Variants in MMP2 observed in about 807,000 individuals in gnomAD.
The protein encoded by MMP2 is 72 kDa type IV collagenase.
Under a neutral mutation model 74.8 loss-of-function variants are expected in MMP2, and 39 were observed. That is an observed-to-expected ratio of 0.52 (90% CI 0.40 to 0.68). The LOEUF (loss-of-function observed/expected upper bound fraction) is 0.68. Ranked by LOEUF, MMP2 falls within the 30% of genes least tolerant of loss-of-function variation. MMP2 has a pLI of 0.00. For synonymous variants in MMP2, 367 were observed against 339.8 expected (o/e 1.08, Z -0.88); for missense variants, 803 against 878.3 (o/e 0.91, Z 1.08).
chr16:55,497,145 C>A (rs1345799881), intron 10 of MMP2, 83 bp downstream of exon 10: 9 of 1,583,898 alleles, frequency 5.7e-6, no homozygotes, highest in Admixed American at 5.0e-5. Context: ...CTCACTCCCC[C>A]TCTCAAACCA....
chr16:55,505,505 CT>C lies in MMP2; in HGVS notation c.*64del. The C allele has an allele frequency of 6.9e-7, 1 of 1,442,818 alleles. No homozygotes were observed. The highest frequency in any genetic ancestry group is 1.1e-5 in the South Asian group (1 of 87,736). 89.4% of individuals were successfully genotyped at this position (1,442,818 alleles called of 1,614,324 possible). On this transcript the variant is annotated 3_prime_UTR_variant, in exon 13 of 13. Coordinates refer to ENST00000219070, the MANE Select transcript of MMP2 (RefSeq NM_004530.6). ...CCTTCGATACACCGGGCCTGGAGAACTAGAGAAGGACCCGGAGGGGCCTGGC... is the reference window on the plus strand; with the variant it reads ...CCTTCGATACACCGGGCCTGGAGAACAGAGAAGGACCCGGAGGGGCCTGGC...
At chr16:55,486,333 G>GTGCC (rs1962249564) in intron 5 of MMP2, among the ~76,000 whole-genome samples, 2 of 132,076 alleles carry the variant, frequency 1.5e-5, no homozygotes, top group East Asian at 2.6e-4. Context: ...GTGTGTGTGT[G>GTGCC]TGTGTGTGTG....
chr16:55,498,476 A>G (rs1255368557), intron 11 of MMP2, 28 bp downstream of exon 11: 1 of 1,614,010 alleles, frequency 6.2e-7, no homozygotes. Flanking sequence ...GTAGGACAGC[A>G]GCACAGTTGG....
At chr16:55,484,293 T>C in intron 3 of MMP2, 129 bp downstream of exon 3, 1 of 1,093,704 alleles carries the variant, frequency 9.1e-7, no homozygotes. Flanking sequence ...GTGTGGGCCC[T>C]GGGGGTGGTT....
At chr16:55,496,200 C>A (rs1248219120) in intron 9 of MMP2, among the ~76,000 whole-genome samples, 1 of 152,176 alleles carries the variant, frequency 6.6e-6, no homozygotes, top group East Asian at 1.9e-4. Flanking sequence ...CTAATGAGTT[C>A]TCAGGTGACG....
chr16:55,484,233 A>T lies in MMP2; in HGVS notation c.529+69A>T, dbSNP rs1303175658. ...GTTGAGACGAGGGGGTGAGATGGAC[A>T]TTAGAGGGGCGTGGGGATCCTAAGG... On this transcript the variant is annotated intron_variant, in intron 3 of 12. Coordinates refer to ENST00000219070, the MANE Select transcript of MMP2 (RefSeq NM_004530.6). 7 of 1,553,556 alleles carry T rather than the reference A, an allele frequency of 4.5e-6. No individual in the cohort carries two copies. The African/African-American group carries it at 8.1e-5, about 18-fold the overall frequency.
intron 9 of MMP2, among the ~76,000 whole-genome samples, chr16:55,495,734 T>A (rs1291472105): frequency 6.6e-6 from 1 of 152,228 alleles, no homozygotes; most frequent in African/African-American, 2.4e-5. Context: ...TGCTTTCATT[T>A]GGTACAAAGT....
intron 8 of MMP2, among the ~76,000 whole-genome samples, chr16:55,492,515 T>G (rs1962436086): frequency 6.6e-6 from 1 of 151,882 alleles, no homozygotes; most frequent in African/African-American, 2.4e-5. Flanking sequence ...AAAAGTCAGT[T>G]CATTTTTAAA....
chr16:55,479,598 A>G lies in MMP2; in HGVS notation c.119A>G (p.Asp40Gly). The G allele has an allele frequency of 1.2e-6, 2 of 1,613,720 alleles. No homozygotes were observed. Among genetic ancestry groups the G allele is most frequent in the Non-Finnish European group, 1.7e-6 (2 of 1,179,996 alleles). ...TCGCCCATCATCAAGTTCCCCGGCG[A>G]TGTCGCCCCCAAAACGGACAAAGAG... Reference protein sequence around the residue: ...APSPIIKFPGDVAPKTDKELA... With the variant: ...APSPIIKFPGGVAPKTDKELA... Residue 40 changes from aspartate (D) to glycine (G), a missense_variant, in exon 1 of 13, where the codon GAT becomes GGT. By Grantham distance (94) the Asp-to-Gly change is moderately conservative (BLOSUM62 -1). Coordinates refer to ENST00000219070, the MANE Select transcript of MMP2 (RefSeq NM_004530.6).
chr16:55,479,662 A>G (rs1287954713), intron 1 of MMP2, 30 bp downstream of exon 1: 4 of 1,613,368 alleles, frequency 2.5e-6, no homozygotes, highest in Non-Finnish European at 3.4e-6. Flanking sequence ...TCAAGGAACC[A>G]CGTTTAGACA....
At chr16:55,499,668 G>A (rs1237216427) in intron 11 of MMP2, among the ~76,000 whole-genome samples, 3 of 152,146 alleles carry the variant, frequency 2.0e-5, no homozygotes, top group African/African-American at 7.2e-5. Context: ...TTCTAGAAAA[G>A]GAAACGGAGG....
chr16:55,499,164 A>T (rs1164468720), intron 11 of MMP2, among the ~76,000 whole-genome samples: 4 of 75,140 alleles, frequency 5.3e-5, no homozygotes, highest in Non-Finnish European at 3.1e-5. Flanking sequence ...GTGAGACTCC[A>T]ACTCAAAAAA....
At chr16:55,491,405 G>A (rs1301144823) in intron 7 of MMP2, among the ~76,000 whole-genome samples, 1 of 152,148 alleles carries the variant, frequency 6.6e-6, no homozygotes, top group Non-Finnish European at 1.5e-5. Flanking sequence ...TACCTCTTCA[G>A]AGAGGCTGAG....
At chr16:55,499,447 G>T (rs1176380151) in intron 11 of MMP2, among the ~76,000 whole-genome samples, 1 of 152,158 alleles carries the variant, frequency 6.6e-6, no homozygotes, top group African/African-American at 2.4e-5. Flanking sequence ...GAAGGAGCAG[G>T]TGCCCTGTGT....
chr16:55,481,681 G>A lies in MMP2; in HGVS notation c.154-1228G>A, dbSNP rs1030870. On this transcript the variant is annotated intron_variant, in intron 1 of 12. Coordinates refer to ENST00000219070, the MANE Select transcript of MMP2 (RefSeq NM_004530.6). The stretch of plus-strand genomic sequence containing the variant: ...GACAAATGGAAGTCTGTGTTGTCCA[G>A]AGGCAATGCAGTGGGGGCTTAAGAA... 175,405 of 560,830 alleles carry A rather than the reference G, an allele frequency of 0.31. 28,945 individuals are homozygous for A. Among genetic ancestry groups the A allele is most frequent in the Admixed American group, 0.37 (11,538 of 31,582 alleles). The allele number at this position is 560,830 out of a possible 1,614,324, so 34.7% of individuals were successfully genotyped here. A position where few individuals can be genotyped will look rare whatever the true frequency, so the allele number is the denominator to read the frequency against.
intron 2 of MMP2, among the ~76,000 whole-genome samples, chr16:55,483,412 T>TG (rs1337933818): frequency 6.6e-6 from 1 of 152,234 alleles, no homozygotes; most frequent in East Asian, 1.9e-4. Context: ...TATGGTATGT[T>TG]GGGGAACTAA....
chr16:55,495,118 G>A (rs1304201671), intron 9 of MMP2, among the ~76,000 whole-genome samples: 1 of 152,242 alleles, frequency 6.6e-6, no homozygotes, highest in Non-Finnish European at 1.5e-5. Flanking sequence ...AATGAGAGAT[G>A]AGACTTAGAA....
intron 1 of MMP2, among the ~76,000 whole-genome samples, chr16:55,481,289 A>G (rs1419526832): frequency 6.6e-6 from 1 of 152,128 alleles, no homozygotes; most frequent in Non-Finnish European, 1.5e-5. Flanking sequence ...TTTAGACCAT[A>G]TAGGGTAACT....
rs138744255 is a variant in MMP2, at chr16:55,488,553, C to A, written c.843C>A (p.Thr281=). The A allele has an allele frequency of 1.2e-6, 2 of 1,613,744 alleles. No individual in the cohort carries two copies. Among genetic ancestry groups the A allele is most frequent in the African/African-American group, 1.3e-5 (1 of 74,904 alleles). Residue 281 remains threonine, a synonymous_variant, in exon 6 of 13, where the codon ACC becomes ACA. Coordinates refer to ENST00000219070, the MANE Select transcript of MMP2 (RefSeq NM_004530.6). ...CTCCCCCACCCTTAGCCCTGTTCAC[C>A]ATGGGCGGCAACGCTGAAGGACAGC... ...YGFCPHEALF[T]MGGNAEGQPC...
Sources: allele counts gnomAD v4.1 joint callset (sites outside exome capture counted in the v4.1 genomes callset), GRCh38; gene constraint gnomAD v4.1.1; transcripts MANE v1.5; gene names NCBI Gene and HGNC (gene_info 2026-07-23, HGNC 2026-07-21).